Variants in BTBD16 observed in about 807,000 individuals in gnomAD.
BTBD16 encodes the protein BTB domain containing 16.
Under a neutral mutation model 67.4 loss-of-function variants are expected in BTBD16, and 66 were observed. The ratio of observed to expected loss-of-function variants is 0.98; its 90% confidence interval spans 0.80 to 1.20. The LOEUF (loss-of-function observed/expected upper bound fraction) is 1.20, where lower values mean the gene tolerates loss of function less well. Ranked by LOEUF, BTBD16 falls within the 50% of genes most tolerant of loss-of-function variation. The pLI is 0.00. For missense variants in BTBD16, 634 were observed against 616.0 expected, an observed-to-expected ratio of 1.03 and a Z score of -0.31; for synonymous variants, 242 against 236.4, an observed-to-expected ratio of 1.02 and a Z score of -0.22.
chr10:122,326,122 AAT>A (rs1318769993), intron 10 of BTBD16, among the ~76,000 whole-genome samples: 2 of 152,102 alleles, frequency 1.3e-5, no homozygotes, highest in African/African-American at 4.8e-5. Context: ...CTTAAAATTT[AAT>A]ATGTTAGTTC....
At chr10:122,304,477 T>A (rs928196234) in intron 9 of BTBD16, among the ~76,000 whole-genome samples, 17 of 151,590 alleles carry the variant, frequency 1.1e-4, no homozygotes, top group African/African-American at 4.1e-4. Context: ...TAGATAACCA[T>A]CAGAGGCTAC....
chr10:122,299,073 A>G lies in BTBD16; in HGVS notation c.730A>G (p.Thr244Ala), dbSNP rs1330397417. ...AATGAACTTGGTTCCTCTAGGGGGGACGCAGATCCACCTCCACAAAATCCC... is the reference window on the plus strand; with the variant it reads ...AATGAACTTGGTTCCTCTAGGGGGGGCGCAGATCCACCTCCACAAAATCCC... The part of the protein sequence containing the change: ...LEMNLVPLGG[T>A]QIHLHKIPQD... Residue 244 changes from threonine to alanine, a missense_variant, in exon 9 of 16, where the codon ACG becomes GCG. Coordinates refer to ENST00000260723, the MANE Select transcript of BTBD16 (RefSeq NM_144587.5). 1 of 1,613,626 alleles carries G rather than the reference A, an allele frequency of 6.2e-7. No individual in the cohort carries two copies. Among genetic ancestry groups the G allele is most frequent in the East Asian group, 2.2e-5 (1 of 44,854 alleles).
intron 10 of BTBD16, among the ~76,000 whole-genome samples, chr10:122,320,026 G>A (rs10788279): frequency 0.58 from 87,367 of 151,932 alleles, 26,549 homozygotes; most frequent in African/African-American, 0.79. Context: ...TAGAAATACA[G>A]TATTAATTTT....
Position 122,336,394 on chromosome 10 carries a change from A to G in BTBD16, c.1264-100A>G. ...TGGGAAATGCCCTCTTGCTGCCTGC[A>G]CACATTATATACCAGGGTCTATATG... On this transcript the variant is annotated intron_variant, in intron 14 of 15. Coordinates refer to ENST00000260723, the MANE Select transcript of BTBD16 (RefSeq NM_144587.5). The G allele has an allele frequency of 1.9e-6, 2 of 1,064,666 alleles. 1 individual carries two copies. Among genetic ancestry groups the G allele is most frequent in the South Asian group, 3.5e-5 (2 of 57,096 alleles). The allele number at this position is 1,064,666 out of a possible 1,614,324, so 66.0% of individuals were successfully genotyped here.
At chr10:122,329,355 C>T (rs965509378) in intron 10 of BTBD16, 125 bp from the exon 11 acceptor site, 8 of 813,318 alleles carry the variant, frequency 9.8e-6, no homozygotes, top group East Asian at 2.6e-5. Flanking sequence ...CCAGAGGGAC[C>T]GAGGCCCCAT....
chr10:122,276,685 C>A, intron 2 of BTBD16, 106 bp from the exon 3 acceptor site: 1 of 1,461,630 alleles, frequency 6.8e-7, no homozygotes, highest in Non-Finnish European at 9.3e-7. Flanking sequence ...TTAACCAGCA[C>A]TGTAAAATTT....
chr10:122,315,292 A>C (rs2096422011), intron 10 of BTBD16, among the ~76,000 whole-genome samples: 1 of 152,224 alleles, frequency 6.6e-6, no homozygotes, highest in African/African-American at 2.4e-5. Flanking sequence ...CCAGCACTGC[A>C]ATCAAGATAG....
intron 10 of BTBD16, among the ~76,000 whole-genome samples, chr10:122,308,665 G>A (rs2096407937): frequency 6.6e-6 from 1 of 152,072 alleles, no homozygotes; most frequent in Non-Finnish European, 1.5e-5. Flanking sequence ...GTCAGACTGG[G>A]AGAAAAGATG....
At chr10:122,277,984 C>T (rs887297714) in intron 3 of BTBD16, among the ~76,000 whole-genome samples, 6 of 152,198 alleles carry the variant, frequency 3.9e-5, no homozygotes, top group African/African-American at 1.4e-4. Context: ...ATGGACTGTA[C>T]TCCTGGGACA....
intron 14 of BTBD16, among the ~76,000 whole-genome samples, chr10:122,336,236 C>T (rs2096463040): frequency 6.6e-6 from 1 of 152,176 alleles, no homozygotes; most frequent in African/African-American, 2.4e-5. Flanking sequence ...CTGGCAAAGG[C>T]ATCATAAAGC....
At chr10:122,319,277 G>A (rs919038979) in intron 10 of BTBD16, among the ~76,000 whole-genome samples, 1 of 152,004 alleles carries the variant, frequency 6.6e-6, no homozygotes, top group African/African-American at 2.4e-5. Flanking sequence ...CATTCCTTGT[G>A]TGTCCTACTT....
chr10:122,329,870 T>C (rs1342465776), intron 11 of BTBD16, among the ~76,000 whole-genome samples: 2 of 152,228 alleles, frequency 1.3e-5, no homozygotes, highest in Admixed American at 1.3e-4. Flanking sequence ...TCTAATTGTA[T>C]GTCCTACCTC....
At chr10:122,329,402 A>G (rs1034802217) in intron 10 of BTBD16, 78 bp from the exon 11 acceptor site, 44 of 1,420,474 alleles carry the variant, frequency 3.1e-5, no homozygotes, top group Admixed American at 6.8e-5. Flanking sequence ...TCTCTACAAC[A>G]TGGCTTTCCC....
chr10:122,311,898 C>A (rs2096414350), intron 10 of BTBD16, among the ~76,000 whole-genome samples: 1 of 152,224 alleles, frequency 6.6e-6, no homozygotes, highest in Non-Finnish European at 1.5e-5. Flanking sequence ...TAGCATACAC[C>A]TTTAAATGTC....
chr10:122,275,089 T>A lies in BTBD16; in HGVS notation c.8T>A (p.Met3Lys). ...TAATTTCCACTTTCATTCATGATAA[T>A]GTCGAACACGGTGAGTAGATCAGTT... MI[M>K]SNTHKARLER... Residue 3 changes from methionine (M) to lysine (K), a missense_variant, in exon 2 of 16, where the codon ATG becomes AAG. By Grantham distance (95) the Met-to-Lys change is moderately conservative (BLOSUM62 -1). Transcript: ENST00000260723. 6.2e-7 allele frequency: 1 copy of A among 1,614,060 alleles called. No homozygotes were observed. Among genetic ancestry groups the A allele is most frequent in the Non-Finnish European group, 8.5e-7 (1 of 1,179,936 alleles).
chr10:122,333,777 T>C (rs1346196170), intron 13 of BTBD16, among the ~76,000 whole-genome samples: 1 of 152,158 alleles, frequency 6.6e-6, no homozygotes, highest in Admixed American at 6.5e-5. Flanking sequence ...TTTTGTAGTA[T>C]TGTGATAACT....
intron 9 of BTBD16, chr10:122,303,737 C>T (rs1329124075): frequency 1.4e-4 from 93 of 663,884 alleles, no homozygotes; most frequent in Non-Finnish European, 1.6e-4. Flanking sequence ...TGGCTGCTAG[C>T]GAGTGCCAGT....
At chr10:122,334,819 G>C in intron 13 of BTBD16, 62 bp from the exon 14 acceptor site, 1 of 1,057,358 alleles carries the variant, frequency 9.5e-7, no homozygotes. Context: ...ACCACGCCCG[G>C]GTGACTTTGA....
At chr10:122,307,523 T>C (rs1460229290) in intron 10 of BTBD16, among the ~76,000 whole-genome samples, 2 of 152,136 alleles carry the variant, frequency 1.3e-5, no homozygotes, top group Non-Finnish European at 2.9e-5. Flanking sequence ...TACTATGAGA[T>C]AATCAGGTGC....
Sources: allele counts gnomAD v4.1 joint callset (sites outside exome capture counted in the v4.1 genomes callset), GRCh38; gene constraint gnomAD v4.1.1; transcripts MANE v1.5; gene names NCBI Gene and HGNC (gene_info 2026-07-23, HGNC 2026-07-21).